PID1: variants seen among roughly 807,000 people sequenced by gnomAD.
PID1 encodes PTB-containing, cubilin and LRP1-interacting protein.
Under a neutral mutation model 19.1 loss-of-function variants are expected in PID1, and 10 were observed. The observed-to-expected ratio is 0.52, with a 90% CI of 0.32 to 0.89. PID1 has a LOEUF of 0.89. PID1 is among the 40% of genes least tolerant of loss of function. The pLI is 0.03. For missense variants in PID1, 248 were observed against 285.3 expected, an observed-to-expected ratio of 0.87 and a Z score of 0.94; for synonymous variants, 130 against 116.0, an observed-to-expected ratio of 1.12 and a Z score of -0.78.
intron 1 of PID1, among the ~76,000 whole-genome samples, chr2:229,206,210 A>T (rs1218308966): frequency 6.6e-6 from 1 of 152,040 alleles, no homozygotes; most frequent in Non-Finnish European, 1.5e-5. Context: ...AAACAAATCA[A>T]TAATTATTGC....
intron 2 of PID1, among the ~76,000 whole-genome samples, chr2:229,116,341 C>G (rs902562825): frequency 2.6e-5 from 4 of 152,202 alleles, no homozygotes; most frequent in Non-Finnish European, 5.9e-5. Context: ...AGTGTTTCAT[C>G]CAGCTTGAGG....
At chr2:229,050,896 C>G (rs927950381) in intron 2 of PID1, among the ~76,000 whole-genome samples, 1 of 152,124 alleles carries the variant, frequency 6.6e-6, no homozygotes, top group African/African-American at 2.4e-5. Context: ...AAATGATATG[C>G]CTTTTATGTA....
Position 229,242,686 on chromosome 2 carries a change from C to T in PID1, c.30+28328G>A, listed in dbSNP as rs1226995. Among the ~76,000 whole-genome samples, 340 of 152,218 alleles carry T rather than the reference C, an allele frequency of 2.2e-3. 6 individuals are homozygous for T. In the East Asian group the frequency reaches 0.055, roughly 24 times the overall value. On this transcript the variant is annotated intron_variant, in intron 1 of 2. Transcript: ENST00000392055. ...ACAGCCTCCTTAAAACATTTCCCTG[C>T]TTGCAATACATTTTCTATACCACCA...
At chr2:229,105,539 T>C (rs1695159601) in intron 2 of PID1, among the ~76,000 whole-genome samples, 2 of 152,320 alleles carry the variant, frequency 1.3e-5, no homozygotes, top group African/African-American at 4.8e-5. Flanking sequence ...CCCTTACAAT[T>C]GTTCAAGTGC....
chr2:229,144,111 C>G (rs1373432753), intron 2 of PID1, among the ~76,000 whole-genome samples: 1 of 152,010 alleles, frequency 6.6e-6, no homozygotes, highest in Non-Finnish European at 1.5e-5. Context: ...CTATACCCAG[C>G]CAAAAGGTGA....
At position 229,033,815 on chromosome 2, in the gene PID1, C is replaced by T. The variant is rs554273181; in HGVS notation, c.178-7707G>A. ...TGGGAATCCTAATAGCCTTTGGGCT[C>T]CAAGGCAGAAGATGAGAAAAAGAAA... is the stretch of plus-strand genomic sequence containing the variant. On this transcript the variant is annotated intron_variant, in intron 2 of 2. Coordinates refer to ENST00000392055, the MANE Select transcript of PID1 (RefSeq NM_001100818.2). Among the ~76,000 whole-genome samples the T allele has an allele frequency of 1.1e-4, 16 of 152,260 alleles. No homozygotes were observed. The South Asian group carries it at 3.3e-3, about 32-fold the overall frequency.
rs78832203 is a variant in PID1 at position 229,043,897 on chromosome 2, G to T, written c.178-17789C>A. Among the ~76,000 whole-genome samples, 1,212 of 152,212 alleles carry T rather than the reference G, an allele frequency of 8.0e-3. 9 individuals are homozygous for T. The highest frequency in any genetic ancestry group is 0.014 in the Non-Finnish European group (934 of 68,008). ...ACCACATTAGAAGAAATGGCTCTGT[G>T]GCCAGCCAAGGAAGAGCAAGGACAC... is the stretch of plus-strand genomic sequence containing the variant. On this transcript the variant is annotated intron_variant, in intron 2 of 2. Transcript: ENST00000392055.
At chr2:229,087,567 A>G (rs928487390) in intron 2 of PID1, among the ~76,000 whole-genome samples, 9 of 152,168 alleles carry the variant, frequency 5.9e-5, no homozygotes, top group African/African-American at 2.2e-4. Flanking sequence ...TACAATTTCC[A>G]TGCATGTCAG....
chr2:229,027,421 GCA>G (rs796886888), intron 2 of PID1, among the ~76,000 whole-genome samples: 2 of 152,308 alleles, frequency 1.3e-5, no homozygotes, highest in African/African-American at 4.8e-5. Flanking sequence ...CTCATTCAGA[GCA>G]CAGTCTTTGA....
intron 2 of PID1, among the ~76,000 whole-genome samples, chr2:229,135,603 G>C (rs182486051): frequency 2.0e-5 from 3 of 152,140 alleles, no homozygotes; most frequent in African/African-American, 7.2e-5. Context: ...GTATAGAAAG[G>C]TTCAGATAAA....
intron 1 of PID1, among the ~76,000 whole-genome samples, chr2:229,248,767 T>C (rs1370951552): frequency 6.6e-6 from 1 of 152,244 alleles, no homozygotes; most frequent in African/African-American, 2.4e-5. Flanking sequence ...AGACTTATTT[T>C]TTTTTAAAGT....
chr2:229,086,873 C>T (rs1456999051), intron 2 of PID1, among the ~76,000 whole-genome samples: 1 of 151,356 alleles, frequency 6.6e-6, no homozygotes, highest in African/African-American at 2.4e-5. Context: ...AATATTCTCA[C>T]CATCACAACA....
At chr2:229,205,003 G>A (rs941224402) in intron 1 of PID1, among the ~76,000 whole-genome samples, 8 of 152,166 alleles carry the variant, frequency 5.3e-5, no homozygotes, top group Middle Eastern at 3.4e-3. Flanking sequence ...AGAAAAACTT[G>A]ACTTAGCTAA....
rs1214018111 is a variant in PID1, at chr2:229,139,089, A to AAG, written c.177+16727_177+16728dup. Among the ~76,000 whole-genome samples the AAG allele has an allele frequency of 2.9e-3, 225 of 77,140 alleles. 23 individuals are homozygous for AAG. The highest frequency in any genetic ancestry group is 0.014 in the African/African-American group (219 of 16,016). 50.6% of individuals were successfully genotyped at this position (77,140 alleles called of 152,430 possible). A position where few individuals can be genotyped will look rare whatever the true frequency, so the allele number is the denominator to read the frequency against. The stretch of plus-strand genomic sequence containing the variant: ...AAAGAAAGAAAGAAAGAAAGAAAGA[A>AAG]AGAAAGAAAGAAAGAAAGAAAGAAA... On this transcript the variant is annotated intron_variant, in intron 2 of 2. Coordinates refer to ENST00000392055, the MANE Select transcript of PID1 (RefSeq NM_001100818.2).
intron 1 of PID1, among the ~76,000 whole-genome samples, chr2:229,214,562 A>T (rs1427028396): frequency 6.6e-6 from 1 of 152,224 alleles, no homozygotes; most frequent in African/African-American, 2.4e-5. Context: ...TTAGAGAATG[A>T]TTGAGAAAGA....
intron 2 of PID1, among the ~76,000 whole-genome samples, chr2:229,034,050 A>G (rs576619021): frequency 1.3e-5 from 2 of 152,332 alleles, no homozygotes; most frequent in Admixed American, 1.3e-4. Context: ...CAATTTCCCA[A>G]CAATCTAAAC....
At chr2:229,233,064 G>A (rs1692249279) in intron 1 of PID1, among the ~76,000 whole-genome samples, 1 of 152,056 alleles carries the variant, frequency 6.6e-6, no homozygotes, top group Non-Finnish European at 1.5e-5. Context: ...GAAGTGCCAA[G>A]AGACTCTTAT....
At chr2:229,202,746 G>C (rs1168601251) in intron 1 of PID1, among the ~76,000 whole-genome samples, 2 of 152,018 alleles carry the variant, frequency 1.3e-5, no homozygotes, top group South Asian at 2.1e-4. Context: ...CTTTTTATAA[G>C]CTTGTAAGCG....
chr2:229,031,746 A>C (rs189238315), intron 2 of PID1, among the ~76,000 whole-genome samples: 134 of 152,314 alleles, frequency 8.8e-4, no homozygotes, highest in African/African-American at 3.0e-3. Flanking sequence ...TCCCCTCAGA[A>C]ACTCTTTTCA....
Sources: gnomAD v4.1 joint callset for allele counts (sites outside exome capture counted in the v4.1 genomes callset) on GRCh38, gnomAD v4.1.1 for gene constraint, MANE v1.5 for transcripts, NCBI Gene and HGNC (gene_info 2026-07-23, HGNC 2026-07-21) for gene names.